The following PRUNE2 variants were observed in gnomAD, a reference collection of about 807,000 sequenced individuals.
PRUNE2 encodes prune homolog 2 with BCH domain, also known as protein prune homolog 2.
In PRUNE2, 164 loss-of-function variants were observed where a neutral mutation model predicts 252.0. The observed-to-expected ratio is 0.65, with a 90% confidence interval of 0.57 to 0.74. The LOEUF (loss-of-function observed/expected upper bound fraction) is 0.74. Among genes scored for constraint, PRUNE2 ranks in the 30% least tolerant of loss-of-function variants. The pLI is 0.00. For missense variants in PRUNE2, 3,495 were observed against 3,711.0 expected (o/e 0.94, Z 1.51); for synonymous variants, 1,292 against 1,350.2 (o/e 0.96, Z 0.94).
chr9:76,817,906 G>C (rs531995529), intron 6 of PRUNE2: 1 of 152,272 alleles, frequency 6.6e-6, no homozygotes, highest in East Asian at 1.9e-4. Flanking sequence ...AACCCAGAAA[G>C]AAATGGATGC....
chr9:76,707,119 A>G lies in PRUNE2; in HGVS notation c.5155T>C (p.Ser1719Pro), dbSNP rs775122880. The change falls in exon 8 of 19, where the codon TCA (serine) becomes CCA (proline). Residue 1719 changes from serine to proline, a missense_variant. Physicochemically the swap from Ser to Pro is moderately conservative, Grantham distance 74. Coordinates refer to ENST00000376718, the MANE Select transcript of PRUNE2 (RefSeq NM_015225.3). ...AAGAACTTATTAGATTCATTCAATG[A>G]ATCCCAAGCTCTGGATTCATCCTCA... is the stretch of plus-strand genomic sequence containing the variant. Reference protein sequence around the residue: ...VAEDESRAWDSLNESNKFLVT... With the variant: ...VAEDESRAWDPLNESNKFLVT... 6.2e-7 allele frequency: 1 copy of G among 1,613,960 alleles called. No homozygotes were observed. Among genetic ancestry groups the G allele is most frequent in the Non-Finnish European group, 8.5e-7 (1 of 1,179,886 alleles).
At chr9:76,701,901 A>G (rs1172341918) in intron 9 of PRUNE2, among the ~76,000 whole-genome samples, 1 of 152,092 alleles carries the variant, frequency 6.6e-6, no homozygotes, top group African/African-American at 2.4e-5. Flanking sequence ...CAACTCACTA[A>G]TTTTACGCAT....
chr9:76,742,687 C>T (rs1331992402), intron 6 of PRUNE2, among the ~76,000 whole-genome samples: 2 of 151,488 alleles, frequency 1.3e-5, no homozygotes, highest in African/African-American at 4.8e-5. Flanking sequence ...ATGCAAAAGA[C>T]ATAAACATGC....
chr9:76,652,539 T>C lies in PRUNE2; in HGVS notation c.8501A>G (p.Asn2834Ser), dbSNP rs751256769. ...NLDSPDEIDI[N>S]VDELDTPDEA... ...ATCGGGGGTATCAAGTTCATCCACA[T>C]TGATGTCAATTTCATCTGGACTGTC... is the stretch of plus-strand genomic sequence containing the variant. Residue 2834 changes from asparagine (N) to serine (S), a missense_variant, in exon 11 of 19, where the codon AAT becomes AGT. By Grantham distance (46) the Asn-to-Ser change is conservative. Coordinates refer to ENST00000376718, the MANE Select transcript of PRUNE2 (RefSeq NM_015225.3). 1.4e-5 allele frequency: 23 copies of C among 1,613,340 alleles called. No individual in the cohort carries two copies. The Admixed American group carries it at 2.5e-4, about 18-fold the overall frequency.
At chr9:76,720,245 T>C (rs540673031) in intron 6 of PRUNE2, among the ~76,000 whole-genome samples, 13 of 152,244 alleles carry the variant, frequency 8.5e-5, no homozygotes, top group African/African-American at 3.1e-4. Flanking sequence ...ATTCAAATAA[T>C]ACGTATTGAA....
At chr9:76,638,542 A>G (rs564210658) in intron 12 of PRUNE2, among the ~76,000 whole-genome samples, 1 of 152,366 alleles carries the variant, frequency 6.6e-6, no homozygotes, top group South Asian at 2.1e-4. Context: ...CTATTTATAT[A>G]TTACGGATGA....
At chr9:76,793,311 C>T (rs1017101284) in intron 6 of PRUNE2, among the ~76,000 whole-genome samples, 1 of 152,136 alleles carries the variant, frequency 6.6e-6, no homozygotes, top group African/African-American at 2.4e-5. Context: ...TAAACATGAT[C>T]GTTATTAACC....
chr9:76,743,289 G>T (rs1359618052), intron 6 of PRUNE2, among the ~76,000 whole-genome samples: 1 of 152,068 alleles, frequency 6.6e-6, no homozygotes, highest in Non-Finnish European at 1.5e-5. Context: ...CAAAATTTTG[G>T]AAAATAATCT....
chr9:76,841,263 T>C (rs1332890440), intron 4 of PRUNE2, among the ~76,000 whole-genome samples: 2 of 152,152 alleles, frequency 1.3e-5, no homozygotes, highest in East Asian at 1.9e-4. Context: ...GACCATGCCA[T>C]GAGGAACGGG....
intron 1 of PRUNE2, among the ~76,000 whole-genome samples, chr9:76,890,280 G>T (rs2062389837): frequency 6.6e-6 from 1 of 152,128 alleles, no homozygotes; most frequent in South Asian, 2.1e-4. Flanking sequence ...TTAACTCCCT[G>T]GCATGCTGAC....
chr9:76,715,383 G>A (rs1352780347), intron 6 of PRUNE2, among the ~76,000 whole-genome samples: 1 of 152,156 alleles, frequency 6.6e-6, no homozygotes, highest in Non-Finnish European at 1.5e-5. Context: ...GGCAGGCCCC[G>A]CCCATCACGG....
At chr9:76,774,450 CTTTTTTTTTTTT>C (rs869289049) in intron 6 of PRUNE2, among the ~76,000 whole-genome samples, 515 of 41,372 alleles carry the variant, frequency 0.012, 14 homozygotes, top group Non-Finnish European at 0.015. Context: ...CAGTTCAACC[CTTTTTTTTTTTT>C]TTTTTTTTTT....
At chr9:76,863,793 G>A (rs1216705098) in intron 1 of PRUNE2, among the ~76,000 whole-genome samples, 1 of 152,186 alleles carries the variant, frequency 6.6e-6, no homozygotes, top group Non-Finnish European at 1.5e-5. Flanking sequence ...TTTGCCTCAT[G>A]TCAAAATGAT....
intron 6 of PRUNE2, among the ~76,000 whole-genome samples, chr9:76,814,286 C>T (rs4548250): frequency 0.48 from 73,410 of 151,976 alleles, 17,787 homozygotes; most frequent in Middle Eastern, 0.55. Context: ...TCTGAGACAC[C>T]TGAGGTTAGG....
At chr9:76,654,166 T>C (rs930988447) in intron 10 of PRUNE2, among the ~76,000 whole-genome samples, 2 of 152,116 alleles carry the variant, frequency 1.3e-5, no homozygotes, top group Admixed American at 6.6e-5. Context: ...AAGTGTTCAG[T>C]GTGAGAGCAG....
intron 1 of PRUNE2, among the ~76,000 whole-genome samples, chr9:76,858,263 T>G (rs992300593): frequency 3.3e-5 from 5 of 152,162 alleles, no homozygotes; most frequent in Non-Finnish European, 7.4e-5. Context: ...CATGGTGAAC[T>G]GATGAACCAA....
Position 76,709,311 on chromosome 9 carries a change from T to C in PRUNE2, c.2963A>G (p.Lys988Arg), listed in dbSNP as rs748401102. ...FAGDEKETEHKPFAKEEGFES... is the reference protein window; with the variant it reads ...FAGDEKETEHRPFAKEEGFES... ...AAAACCTTCCTCTTTAGCAAATGGC[T>C]TGTGTTCAGTTTCCTTTTCGTCTCC... Residue 988 changes from lysine (K) to arginine (R), a missense_variant, in exon 8 of 19, where the codon AAG becomes AGG. By Grantham distance (26) the Lys-to-Arg change is conservative (BLOSUM62 2). Transcript: ENST00000376718. 3.7e-6 allele frequency: 6 copies of C among 1,614,018 alleles called. No individual in the cohort carries two copies. The highest frequency in any genetic ancestry group is 3.3e-5 in the South Asian group (3 of 91,086).
intron 6 of PRUNE2, among the ~76,000 whole-genome samples, chr9:76,797,707 C>T (rs554197118): frequency 4.0e-5 from 6 of 150,280 alleles, no homozygotes; most frequent in Middle Eastern, 3.4e-3. Flanking sequence ...TACACAGGAT[C>T]ACAAGGGGCC....
chr9:76,661,357 C>T (rs1851351457), intron 9 of PRUNE2, among the ~76,000 whole-genome samples: 2 of 152,300 alleles, frequency 1.3e-5, no homozygotes, highest in South Asian at 4.1e-4. Context: ...ATTCTCCTGC[C>T]TCAGCCTCCC....
Sources: gnomAD v4.1 joint callset for allele counts (sites outside exome capture counted in the v4.1 genomes callset) on GRCh38, gnomAD v4.1.1 for gene constraint, MANE v1.5 for transcripts, NCBI Gene and HGNC (gene_info 2026-07-23, HGNC 2026-07-21) for gene names.